Variants in AGO3 observed in about 807,000 individuals in gnomAD.
AGO3 encodes the protein protein argonaute-3.
AGO3 carries 16 observed loss-of-function variants against 105.5 expected under a neutral mutation model. The ratio of observed to expected loss-of-function variants is 0.15; its 90% CI spans 0.10 to 0.23. The LOEUF is 0.23. AGO3 is among the 10% of genes least tolerant of loss of function. AGO3 has a pLI of 1.00. For synonymous variants in AGO3, 340 were observed against 367.3 expected (o/e 0.93, Z 0.85); for missense variants, 534 against 1,088.0 (o/e 0.49, Z 7.16).
At chr1:35,937,019 A>G (rs1386405993) in intron 1 of AGO3, among the ~76,000 whole-genome samples, 5 of 152,244 alleles carry the variant, frequency 3.3e-5, no homozygotes, top group African/African-American at 1.2e-4. Flanking sequence ...GAGACATAGT[A>G]TTTCTGTGAA....
chr1:36,046,555 C>T (rs1344994923), intron 17 of AGO3, among the ~76,000 whole-genome samples: 3 of 133,570 alleles, frequency 2.2e-5, no homozygotes, highest in Non-Finnish European at 3.1e-5. Flanking sequence ...ATTAGTTGGA[C>T]GTCATGGCGC....
chr1:36,047,570 G>A (rs1642527924), intron 17 of AGO3, among the ~76,000 whole-genome samples: 1 of 152,086 alleles, frequency 6.6e-6, no homozygotes, highest in Non-Finnish European at 1.5e-5. Context: ...AGGGAAAGGT[G>A]TAGAAAAATC....
At chr1:36,025,018 T>C (rs1466507782) in intron 11 of AGO3, among the ~76,000 whole-genome samples, 3 of 152,180 alleles carry the variant, frequency 2.0e-5, no homozygotes, top group Non-Finnish European at 4.4e-5. Flanking sequence ...AAAATACAAT[T>C]GTATTATAAT....
chr1:35,970,211 T>A (rs2148772814), intron 3 of AGO3, among the ~76,000 whole-genome samples: 1 of 152,288 alleles, frequency 6.6e-6, no homozygotes, highest in Middle Eastern at 3.4e-3. Context: ...GCCCTTTCAA[T>A]GGATAGAGGT....
intron 2 of AGO3, among the ~76,000 whole-genome samples, chr1:35,961,958 G>T (rs1006374316): frequency 3.3e-5 from 5 of 152,106 alleles, no homozygotes; most frequent in African/African-American, 1.2e-4. Flanking sequence ...AGGTATTACA[G>T]TTACCCTTAT....
intron 15 of AGO3, 133 bp from the exon 16 acceptor site, chr1:36,040,174 A>G (rs1262728263): frequency 2.5e-6 from 3 of 1,185,396 alleles, no homozygotes; most frequent in African/African-American, 1.5e-5. Context: ...TGTTCTAATA[A>G]TCGTTAAAAT....
intron 5 of AGO3, among the ~76,000 whole-genome samples, chr1:35,994,110 G>C (rs899830305): frequency 7.5e-6 from 1 of 133,126 alleles, no homozygotes; most frequent in Non-Finnish European, 1.5e-5. Context: ...GAATGCAGTA[G>C]TGTGATCATG....
intron 3 of AGO3, among the ~76,000 whole-genome samples, chr1:35,970,383 A>G (rs906843699): frequency 6.6e-6 from 1 of 152,096 alleles, no homozygotes; most frequent in Non-Finnish European, 1.5e-5. Flanking sequence ...TCCTCACTCC[A>G]TTTCATATTT....
chr1:36,043,506 A>G lies in AGO3; in HGVS notation c.2232A>G (p.Pro744=). ...GTTVDTDITH[P]YEFDFYLCSH... ...CAGTTGATACAGACATTACACACCC[A>G]TATGAGTTCGATTTTTACCTCTGTA... Residue 744 remains proline, a synonymous_variant, in exon 17 of 19, where the codon CCA becomes CCG. Transcript: ENST00000373191. The G allele has an allele frequency of 6.2e-7, 1 of 1,613,926 alleles. No individual in the cohort carries two copies. Among genetic ancestry groups the G allele is most frequent in the East Asian group, 2.2e-5 (1 of 44,850 alleles).
intron 14 of AGO3, among the ~76,000 whole-genome samples, 174 bp from the exon 15 acceptor site, chr1:36,039,616 G>A (rs571566281): frequency 6.6e-6 from 1 of 151,740 alleles, no homozygotes; most frequent in Non-Finnish European, 1.5e-5. Flanking sequence ...TGAGTAGCTG[G>A]GACTATAGGC....
intron 1 of AGO3, among the ~76,000 whole-genome samples, chr1:35,935,938 G>A (rs1040098931): frequency 5.3e-5 from 8 of 152,124 alleles, no homozygotes; most frequent in African/African-American, 1.9e-4. Flanking sequence ...TGATAATTCT[G>A]TTTTCAGGAA....
chr1:36,028,391 T>TCCCCCCCCCCCCCCCCCC (rs771926822), intron 12 of AGO3, among the ~76,000 whole-genome samples: 9 of 57,176 alleles, frequency 1.6e-4, no homozygotes, highest in Admixed American at 2.2e-4. Flanking sequence ...ATGCTATCCC[T>TCCCCCCCCCCCCCCCCCC]CCCCCCCCCC....
intron 17 of AGO3, among the ~76,000 whole-genome samples, chr1:36,053,745 ATT>A (rs71034711): frequency 1.2e-5 from 1 of 81,288 alleles, no homozygotes. Flanking sequence ...CACCTGGCTA[ATT>A]TTTTTTTTTT....
At chr1:35,982,618 CAGAA>C in intron 5 of AGO3, 1 of 717,270 alleles carries the variant, frequency 1.4e-6, no homozygotes, top group Non-Finnish European at 2.6e-6. Flanking sequence ...ATTTGTTTTC[CAGAA>C]AGAGACCTCT....
chr1:36,030,243 T>C (rs1641709910), intron 12 of AGO3, among the ~76,000 whole-genome samples: 1 of 152,134 alleles, frequency 6.6e-6, no homozygotes, highest in Admixed American at 6.5e-5. Flanking sequence ...GGCTTATGCC[T>C]GTAATCCCAG....
intron 11 of AGO3, among the ~76,000 whole-genome samples, chr1:36,021,394 G>C (rs112664259): frequency 6.6e-6 from 1 of 151,944 alleles, no homozygotes; most frequent in Admixed American, 6.6e-5. Context: ...ATAGTTTAAC[G>C]TAATAACCAT....
At position 36,059,467 on chromosome 1, in the gene AGO3, A is replaced by T. The variant is rs1642998899; in HGVS notation, c.*3722A>T. 1 of 151,072 alleles carries T rather than the reference A, an allele frequency of 6.6e-6. No individual in the cohort carries two copies. The highest frequency in any genetic ancestry group is 2.4e-5 in the African/African-American group (1 of 41,048). 9.4% of individuals were successfully genotyped at this position (151,072 alleles called of 1,614,324 possible). A position where few individuals can be genotyped will look rare whatever the true frequency, so the allele number is the denominator to read the frequency against. Reference sequence around the variant, plus strand: ...GACCCTTCTGCTCCTGCCCTTGCTCACTAACTATATCATGAATGCTAGATT... The same window carrying T: ...GACCCTTCTGCTCCTGCCCTTGCTCTCTAACTATATCATGAATGCTAGATT... On this transcript the variant is annotated 3_prime_UTR_variant, in exon 19 of 19. Coordinates refer to ENST00000373191, the MANE Select transcript of AGO3 (RefSeq NM_024852.4).
At chr1:35,998,212 T>C (rs1169197820) in intron 5 of AGO3, among the ~76,000 whole-genome samples, 1 of 152,206 alleles carries the variant, frequency 6.6e-6, no homozygotes, top group Non-Finnish European at 1.5e-5. Flanking sequence ...TTTATTTATC[T>C]GAATTCTAGT....
intron 1 of AGO3, among the ~76,000 whole-genome samples, chr1:35,943,485 G>C (rs746266258): frequency 6.6e-6 from 1 of 151,364 alleles, no homozygotes; most frequent in South Asian, 2.1e-4. Flanking sequence ...AATTTTAGTA[G>C]AGACAGGGTT....
Sources: allele counts gnomAD v4.1 joint callset (sites outside exome capture counted in the v4.1 genomes callset), GRCh38; gene constraint gnomAD v4.1.1; transcripts MANE v1.5; gene names NCBI Gene and HGNC (gene_info 2026-07-23, HGNC 2026-07-21).